The following PAQR5 variants were observed in gnomAD, a reference collection of about 807,000 sequenced individuals.
PAQR5 encodes membrane progestin receptor gamma.
Under a neutral mutation model 34.5 loss-of-function variants are expected in PAQR5, and 20 were observed. The ratio of observed to expected loss-of-function variants is 0.58; its 90% CI spans 0.41 to 0.84. PAQR5 has a LOEUF of 0.84. Ranked by LOEUF, PAQR5 falls within the 40% of genes least tolerant of loss-of-function variation. The pLI, the probability that PAQR5 is intolerant of heterozygous loss-of-function variation, is 0.00. For synonymous variants in PAQR5, 131 were observed against 155.6 expected (o/e 0.84, Z 1.18); for missense variants, 378 against 412.7 (o/e 0.92, Z 0.73).
At chr15:69,340,811 G>A (rs2054621121) in intron 2 of PAQR5, among the ~76,000 whole-genome samples, 1 of 152,202 alleles carries the variant, frequency 6.6e-6, no homozygotes, top group Non-Finnish European at 1.5e-5. Flanking sequence ...ATATAAAATA[G>A]GAAGAAGGGT....
At chr15:69,330,165 G>A (rs560040815) in intron 1 of PAQR5, among the ~76,000 whole-genome samples, 2 of 152,104 alleles carry the variant, frequency 1.3e-5, no homozygotes. Context: ...GCAGTCCAGG[G>A]TACTTGTTAC....
chr15:69,389,320 C>A (rs374664773), intron 5 of PAQR5, among the ~76,000 whole-genome samples: 1 of 152,294 alleles, frequency 6.6e-6, no homozygotes, highest in African/African-American at 2.4e-5. Context: ...GGACCCTGGG[C>A]GAGTGATTAA....
chr15:69,301,224 G>A (rs552853948), intron 1 of PAQR5, among the ~76,000 whole-genome samples: 106 of 151,980 alleles, frequency 7.0e-4, no homozygotes, highest in African/African-American at 2.4e-3. Context: ...GGTTGGTCTC[G>A]AACTGCTAAC....
chr15:69,353,089 G>A (rs1236044507), intron 2 of PAQR5, among the ~76,000 whole-genome samples: 12 of 152,196 alleles, frequency 7.9e-5, no homozygotes, highest in African/African-American at 7.2e-5. Flanking sequence ...TGGAGGTTAT[G>A]CACTGGCTCA....
chr15:69,381,858 T>C (rs1346099352), intron 4 of PAQR5, among the ~76,000 whole-genome samples: 1 of 152,208 alleles, frequency 6.6e-6, no homozygotes, highest in Non-Finnish European at 1.5e-5. Flanking sequence ...CAATGTTCCT[T>C]CAGCTCCTGC....
At chr15:69,355,851 A>G (rs2055064698) in intron 2 of PAQR5, among the ~76,000 whole-genome samples, 1 of 152,116 alleles carries the variant, frequency 6.6e-6, no homozygotes, top group African/African-American at 2.4e-5. Flanking sequence ...TCTGCGTATC[A>G]CAAACTTAAA....
chr15:69,374,740 C>T (rs1242887984), intron 3 of PAQR5, among the ~76,000 whole-genome samples: 5 of 152,140 alleles, frequency 3.3e-5, no homozygotes, highest in African/African-American at 9.7e-5. Flanking sequence ...CCATTCTTCC[C>T]CTGCCCTCTG....
chr15:69,371,658 T>A (rs536088808), intron 3 of PAQR5, among the ~76,000 whole-genome samples: 48 of 152,318 alleles, frequency 3.2e-4, no homozygotes, highest in African/African-American at 1.1e-3. Flanking sequence ...CAGAGACATT[T>A]TTGTTTCCTT....
At chr15:69,359,504 G>C (rs1000900961) in intron 2 of PAQR5, among the ~76,000 whole-genome samples, 2 of 152,028 alleles carry the variant, frequency 1.3e-5, no homozygotes, top group Admixed American at 1.3e-4. Flanking sequence ...GATCGAGCAG[G>C]GGGTATGTAA....
chr15:69,321,620 A>G (rs1290736324), intron 1 of PAQR5, among the ~76,000 whole-genome samples: 2 of 152,182 alleles, frequency 1.3e-5, no homozygotes, highest in Non-Finnish European at 2.9e-5. Context: ...GAGATTTCCT[A>G]TGTTTAAACT....
rs747301868 is a variant in PAQR5 at position 69,404,229 on chromosome 15, G to C, written c.*407G>C. ...AAAGCTTCTCTCAAGAGCTCTCGTA[G>C]TGGCCTGTCAACCACTTTCGGAGAA... is the stretch of plus-strand genomic sequence containing the variant. On this transcript the variant is annotated 3_prime_UTR_variant, in exon 9 of 9. Transcript: ENST00000395407. 16 of 180,216 alleles carry C rather than the reference G, an allele frequency of 8.9e-5. No homozygotes were observed. The highest frequency in any genetic ancestry group is 1.9e-4 in the Non-Finnish European group (16 of 86,414). 11.2% of individuals were successfully genotyped at this position (180,216 alleles called of 1,614,324 possible).
At chr15:69,346,461 G>A (rs1365476753) in intron 2 of PAQR5, among the ~76,000 whole-genome samples, 1 of 150,554 alleles carries the variant, frequency 6.6e-6, no homozygotes, top group Non-Finnish European at 1.5e-5. Context: ...ACATGCCACC[G>A]TGCCCAGTTA....
chr15:69,310,525 G>A (rs936010977), intron 1 of PAQR5, among the ~76,000 whole-genome samples: 3 of 152,084 alleles, frequency 2.0e-5, no homozygotes, highest in Admixed American at 1.3e-4. Flanking sequence ...AAAGTCATTT[G>A]AATTTCCTCT....
At chr15:69,300,000 G>C (rs1364269447) in intron 1 of PAQR5, among the ~76,000 whole-genome samples, 1 of 152,192 alleles carries the variant, frequency 6.6e-6, no homozygotes, top group Non-Finnish European at 1.5e-5. Context: ...GCCCAACAAA[G>C]CTCAGCCATT....
intron 1 of PAQR5, among the ~76,000 whole-genome samples, chr15:69,305,555 G>C (rs1456913179): frequency 6.6e-6 from 1 of 152,052 alleles, no homozygotes; most frequent in Admixed American, 6.5e-5. Flanking sequence ...CCTGTGGTTC[G>C]GGCCCGCACA....
At chr15:69,371,670 T>G (rs1250731416) in intron 3 of PAQR5, among the ~76,000 whole-genome samples, 1 of 152,202 alleles carries the variant, frequency 6.6e-6, no homozygotes. Flanking sequence ...TGTTTCCTTT[T>G]TTGGATTTTA....
intron 3 of PAQR5, among the ~76,000 whole-genome samples, chr15:69,360,641 C>G (rs1179558852): frequency 2.0e-5 from 3 of 152,180 alleles, no homozygotes; most frequent in Non-Finnish European, 4.4e-5. Flanking sequence ...GGCAGGTACC[C>G]TGAAATATGT....
intron 1 of PAQR5, among the ~76,000 whole-genome samples, chr15:69,322,432 G>C (rs1194623210): frequency 6.7e-6 from 1 of 149,014 alleles, no homozygotes; most frequent in Non-Finnish European, 1.5e-5. Context: ...TCGCACCACT[G>C]CACTCCAGCC....
In PAQR5 at chr15:69,390,344, A is replaced by ATTTTTTT. The variant is rs201375546; in HGVS notation, c.512+567_512+568insTTTTTTT. 8.4e-5 allele frequency among the ~76,000 whole-genome samples: 10 copies of ATTTTTTT among 118,984 alleles called. 1 individual carries two copies. Among genetic ancestry groups the ATTTTTTT allele is most frequent in the Admixed American group, 4.7e-4 (5 of 10,744 alleles). The allele number at this position is 118,984 out of a possible 152,430, so 78.1% of individuals were successfully genotyped here. On this transcript the variant is annotated intron_variant, in intron 6 of 8. Transcript: ENST00000395407. ...TTTTTATTTATTTATTTATTTATTT[A>ATTTTTTT]TTTATTTATTTATTTATTTTTTTGA...
Sources: allele counts gnomAD v4.1 joint callset (sites outside exome capture counted in the v4.1 genomes callset), GRCh38; gene constraint gnomAD v4.1.1; transcripts MANE v1.5; gene names NCBI Gene and HGNC (gene_info 2026-07-23, HGNC 2026-07-21).